Variants in PCDHGA4 observed in about 807,000 individuals in gnomAD.
The protein encoded by PCDHGA4 is protocadherin gamma subfamily A, 4, also known as protocadherin gamma-A4.
Under a neutral mutation model 54.6 loss-of-function variants are expected in PCDHGA4, and 38 were observed. That is an observed-to-expected ratio of 0.70 (90% CI 0.54 to 0.91). PCDHGA4 has a LOEUF of 0.91. PCDHGA4 is among the 40% of genes least tolerant of loss of function. PCDHGA4 has a pLI of 0.00. For synonymous variants in PCDHGA4, 511 were observed against 512.9 expected, an observed-to-expected ratio of 1.00 and a Z score of 0.05; for missense variants, 1,298 against 1,220.9, an observed-to-expected ratio of 1.06 and a Z score of -0.94.
chr5:141,431,932 CT>C lies in PCDHGA4; in HGVS notation c.2515-62872del, dbSNP rs748715936. ...TCTGTTTCATCCAAGGAAATCTGCC[CT>C]TTAAATTAGAAAAATCTTACGGAAA... On this transcript the variant is annotated intron_variant, in intron 1 of 3. Transcript: ENST00000571252. The surrounding 1 kb of genome is among the most constrained non-coding windows in gnomAD (Gnocchi z 4.8). The C allele has an allele frequency of 6.2e-7, 1 of 1,614,172 alleles. No individual in the cohort carries two copies. Among genetic ancestry groups the C allele is most frequent in the Non-Finnish European group, 8.5e-7 (1 of 1,180,002 alleles).
intron 1 of PCDHGA4, chr5:141,413,946 G>A: frequency 6.2e-7 from 1 of 1,613,414 alleles, no homozygotes; most frequent in Non-Finnish European, 8.5e-7. Flanking sequence ...GTGTTCCTGA[G>A]AATTTGCCTG....
chr5:141,399,562 T>G (rs764432886), intron 1 of PCDHGA4: 1 of 1,613,898 alleles, frequency 6.2e-7, no homozygotes, highest in East Asian at 2.2e-5. Flanking sequence ...GGACTTGGGG[T>G]TGAACGGCCA....
intron 1 of PCDHGA4, among the ~76,000 whole-genome samples, chr5:141,437,811 C>A (rs964885701): frequency 6.6e-6 from 1 of 150,864 alleles, no homozygotes; most frequent in African/African-American, 2.4e-5. Flanking sequence ...TATCTTGGCT[C>A]ACTGCAACCT....
chr5:141,413,170 A>G, intron 1 of PCDHGA4: 1 of 1,595,602 alleles, frequency 6.3e-7, no homozygotes, highest in Non-Finnish European at 8.5e-7. Flanking sequence ...CTGTAACCAG[A>G]CTACAATGGC....
chr5:141,357,632 C>T lies in PCDHGA4; in HGVS notation c.2514+11C>T, dbSNP rs1588529115. 1.2e-6 allele frequency: 2 copies of T among 1,612,944 alleles called. No homozygotes were observed. The highest frequency in any genetic ancestry group is 1.1e-5 in the South Asian group (1 of 91,050). Reference sequence around the variant, plus strand: ...GACCCTAATCTTCAGGTGAGTCAATCTTATAATAGATCATACCACACTGAA... The same window carrying T: ...GACCCTAATCTTCAGGTGAGTCAATTTTATAATAGATCATACCACACTGAA... On this transcript the variant is annotated intron_variant, in intron 1 of 3. Coordinates refer to ENST00000571252, the MANE Select transcript of PCDHGA4 (RefSeq NM_018917.4).
chr5:141,495,726 C>T (rs2099763293), intron 2 of PCDHGA4, among the ~76,000 whole-genome samples: 1 of 152,070 alleles, frequency 6.6e-6, no homozygotes, highest in Non-Finnish European at 1.5e-5. Flanking sequence ...ACACGGGACC[C>T]TTAGTCTCTT....
At chr5:141,364,743 T>C in intron 1 of PCDHGA4, 1 of 1,613,916 alleles carries the variant, frequency 6.2e-7, no homozygotes, top group Non-Finnish European at 8.5e-7. Flanking sequence ...GATGAAGAGT[T>C]AAAAGTAAAA....
In PCDHGA4 at chr5:141,491,257, G is replaced by A. The variant is rs754721047; in HGVS notation, c.2515-3550G>A. 2 of 1,614,170 alleles carry A rather than the reference G, an allele frequency of 1.2e-6. No individual in the cohort carries two copies. The highest frequency in any genetic ancestry group is 3.3e-5 in the Admixed American group (2 of 60,020). On this transcript the variant is annotated intron_variant, in intron 1 of 3. Coordinates refer to ENST00000571252, the MANE Select transcript of PCDHGA4 (RefSeq NM_018917.4). This position sits in a 1 kb window ranked among gnomAD's most constrained non-coding sequence, Gnocchi z 6.9. ...GGTTCTGGAGGATGAGGACCCTGAG[G>A]AAATGCCCAAATCCAGTGACTTCCT... is the stretch of plus-strand genomic sequence containing the variant.
At chr5:141,384,768 G>A (rs1046016115) in intron 1 of PCDHGA4, 20 of 1,613,804 alleles carry the variant, frequency 1.2e-5, no homozygotes, top group Non-Finnish European at 1.6e-5. Context: ...GGCTGTACAC[G>A]GGCGAGGTGC....
rs953803165 is a variant in PCDHGA4, at chr5:141,392,978, C to A, written c.2514+35357C>A. 2.5e-6 allele frequency: 4 copies of A among 1,613,808 alleles called. No individual in the cohort carries two copies. The highest frequency in any genetic ancestry group is 1.7e-4 in the Middle Eastern group (1 of 6,054). Reference sequence around the variant, plus strand: ...ATATCTCCAAGGACCTGGGGCTGGACCCCCGGAAGCTGGCGAAGCACGGAG... The same window carrying A: ...ATATCTCCAAGGACCTGGGGCTGGAACCCCGGAAGCTGGCGAAGCACGGAG... On this transcript the variant is annotated intron_variant, in intron 1 of 3. Coordinates refer to ENST00000571252, the MANE Select transcript of PCDHGA4 (RefSeq NM_018917.4).
At chr5:141,366,162 C>T (rs1037452604) in intron 1 of PCDHGA4, 2 of 1,613,992 alleles carry the variant, frequency 1.2e-6, no homozygotes, top group African/African-American at 2.7e-5. Flanking sequence ...CTGCTTAAGG[C>T]CAGCGAGCCA....
intron 1 of PCDHGA4, chr5:141,364,410 G>A (rs2149857737): frequency 6.2e-7 from 1 of 1,612,210 alleles, no homozygotes; most frequent in Admixed American, 1.7e-5. Flanking sequence ...TGCGAGCCAG[G>A]ATCCGGGCAG....
At chr5:141,505,536 C>T (rs749205049) in intron 3 of PCDHGA4, 55 bp downstream of exon 3, 9 of 1,610,164 alleles carry the variant, frequency 5.6e-6, no homozygotes, top group Non-Finnish European at 7.6e-6. Context: ...TTCTGGGGTG[C>T]ATCTCACAGC....
intron 1 of PCDHGA4, chr5:141,371,582 A>G (rs1442849202): frequency 1.9e-6 from 3 of 1,613,934 alleles, no homozygotes; most frequent in East Asian, 2.2e-5. Context: ...AAATCGTTCA[A>G]GATACCAAAA....
chr5:141,422,873 T>C (rs1474438774), intron 1 of PCDHGA4: 1 of 1,614,158 alleles, frequency 6.2e-7, no homozygotes, highest in Admixed American at 1.7e-5. Flanking sequence ...AACGTGTCGC[T>C]GAGCCTGTTC....
chr5:141,485,654 G>A lies in PCDHGA4; in HGVS notation c.2515-9153G>A, dbSNP rs2099617203. 6.2e-7 allele frequency: 1 copy of A among 1,612,482 alleles called. No individual in the cohort carries two copies. The highest frequency in any genetic ancestry group is 8.5e-7 in the Non-Finnish European group (1 of 1,178,842). On this transcript the variant is annotated intron_variant, in intron 1 of 3. Coordinates refer to ENST00000571252, the MANE Select transcript of PCDHGA4 (RefSeq NM_018917.4). The surrounding 1 kb of genome is among the most constrained non-coding windows in gnomAD (Gnocchi z 5.7). ...CCCGTTGGAAAAGGCTCAGGATGCA[G>A]ATGTGGGGAGCAATTCGATTAGCAG... is the stretch of plus-strand genomic sequence containing the variant.
In PCDHGA4 at chr5:141,374,846, C is replaced by T. The variant is rs1473498001; in HGVS notation, c.2514+17225C>T. 4.3e-6 allele frequency: 7 copies of T among 1,613,724 alleles called. No individual in the cohort carries two copies. In the African/African-American group the frequency reaches 8.0e-5, roughly 18 times the overall value. On this transcript the variant is annotated intron_variant, in intron 1 of 3. Coordinates refer to ENST00000571252, the MANE Select transcript of PCDHGA4 (RefSeq NM_018917.4). ...CTACCGTGTAAGTGTTCCTGAAAAC[C>T]TGCCAGTAGGCACACCAGTGTTGGC...
At position 141,357,469 on chromosome 5, in the gene PCDHGA4, G is replaced by C; in HGVS notation, c.2362G>C (p.Val788Leu). 6.2e-7 allele frequency: 1 copy of C among 1,614,176 alleles called. No homozygotes were observed. The highest frequency in any genetic ancestry group is 1.3e-5 in the African/African-American group (1 of 75,050). The change falls in exon 1 of 4, where the codon GTC becomes CTC. Residue 788 changes from valine (V) to leucine (L), a missense_variant. By Grantham distance (32) the Val-to-Leu change is conservative. Transcript: ENST00000571252. ...RAFLQTYSHE[V>L]SLTADSRKSH... is the part of the protein sequence containing the mutation. ...TTTCCTGCAGACCTATTCCCACGAG[G>C]TCTCCCTCACCGCGGACTCGCGGAA... is the stretch of plus-strand genomic sequence containing the variant.
chr5:141,466,933 C>A (rs1305734739), intron 1 of PCDHGA4, among the ~76,000 whole-genome samples: 1 of 152,100 alleles, frequency 6.6e-6, no homozygotes, highest in Non-Finnish European at 1.5e-5. Context: ...GAATATTAGT[C>A]CTTTGTCCAG....
Sources: gnomAD v4.1 joint callset for allele counts (sites outside exome capture counted in the v4.1 genomes callset) on GRCh38, gnomAD v4.1.1 for gene constraint, Gnocchi (gnomAD v3.1) non-coding constraint, MANE v1.5 for transcripts, NCBI Gene and HGNC (gene_info 2026-07-23, HGNC 2026-07-21) for gene names.